The following PLCXD2 variants were observed in gnomAD, a reference collection of about 807,000 sequenced individuals.
PLCXD2 encodes PI-PLC X domain-containing protein 2.
A neutral mutation model predicts 28.6 loss-of-function variants in PLCXD2; 21 were observed. The observed-to-expected ratio is 0.73, with a 90% CI of 0.52 to 1.06. The LOEUF (loss-of-function observed/expected upper bound fraction) is 1.06, where lower values mean the gene tolerates loss of function less well. Among genes scored for constraint, PLCXD2 ranks in the 50% least tolerant of loss-of-function variants. PLCXD2 has a pLI of 0.00. For synonymous variants in PLCXD2, 140 were observed against 150.1 expected, an observed-to-expected ratio of 0.93 and a Z score of 0.49; for missense variants, 369 against 376.7, an observed-to-expected ratio of 0.98 and a Z score of 0.17.
At chr3:111,714,190 T>G in intron 3 of PLCXD2, 62 bp downstream of exon 3, 1 of 1,532,910 alleles carries the variant, frequency 6.5e-7, no homozygotes, top group Non-Finnish European at 8.8e-7. Flanking sequence ...TTGATTCTAT[T>G]CTGAGTAAAT....
intron 1 of PLCXD2, among the ~76,000 whole-genome samples, chr3:111,705,817 G>A (rs181406289): frequency 3.9e-5 from 6 of 151,908 alleles, no homozygotes; most frequent in East Asian, 1.9e-4. Flanking sequence ...GTTGTTGTTC[G>A]TTTGTTTGCT....
intron 1 of PLCXD2, among the ~76,000 whole-genome samples, chr3:111,683,012 G>A (rs911861034): frequency 6.6e-6 from 1 of 152,022 alleles, no homozygotes; most frequent in Non-Finnish European, 1.5e-5. Context: ...GTGTTAAATC[G>A]GGTGATCACA....
chr3:111,693,068 A>G (rs541247394), intron 1 of PLCXD2, among the ~76,000 whole-genome samples: 1 of 152,314 alleles, frequency 6.6e-6, no homozygotes, highest in East Asian at 1.9e-4. Flanking sequence ...TTTTTGTTAT[A>G]TAACCAGGGA....
chr3:111,717,507 G>A (rs372406186), intron 3 of PLCXD2, among the ~76,000 whole-genome samples: 3 of 152,048 alleles, frequency 2.0e-5, no homozygotes, highest in African/African-American at 7.3e-5. Context: ...CCCCTTCTTC[G>A]TACTTAATCC....
intron 3 of PLCXD2, chr3:111,724,319 C>T (rs1021929114): frequency 2.0e-5 from 3 of 151,910 alleles, no homozygotes; most frequent in Non-Finnish European, 4.4e-5. Flanking sequence ...CCTGAATTAC[C>T]GAGAGCAGTT....
At chr3:111,690,093 G>A (rs1196848484) in intron 1 of PLCXD2, among the ~76,000 whole-genome samples, 1 of 151,958 alleles carries the variant, frequency 6.6e-6, no homozygotes, top group Non-Finnish European at 1.5e-5. Context: ...GAGAGGTTAA[G>A]CAGATGGCCC....
chr3:111,705,578 C>T (rs1208991757), intron 1 of PLCXD2, among the ~76,000 whole-genome samples: 1 of 151,334 alleles, frequency 6.6e-6, no homozygotes, highest in Non-Finnish European at 1.5e-5. Flanking sequence ...TTTTTCAGCA[C>T]CCCCCATACT....
At chr3:111,696,857 T>A (rs1031076034) in intron 1 of PLCXD2, among the ~76,000 whole-genome samples, 1 of 152,206 alleles carries the variant, frequency 6.6e-6, no homozygotes, top group African/African-American at 2.4e-5. Context: ...CAAAATAATA[T>A]TTGTCTTTAA....
chr3:111,718,594 G>A (rs1576465359), intron 3 of PLCXD2, among the ~76,000 whole-genome samples: 2 of 152,268 alleles, frequency 1.3e-5, no homozygotes, highest in East Asian at 3.9e-4. Flanking sequence ...CTGAGAGAGG[G>A]AGGAGACCCA....
At chr3:111,688,200 G>A (rs749714200) in intron 1 of PLCXD2, among the ~76,000 whole-genome samples, 3 of 152,166 alleles carry the variant, frequency 2.0e-5, no homozygotes, top group Non-Finnish European at 4.4e-5. Flanking sequence ...GCACAAGCTG[G>A]AAGACTACCC....
At chr3:111,724,653 ACTT>A (rs924748092) in intron 3 of PLCXD2, 4 of 152,202 alleles carry the variant, frequency 2.6e-5, no homozygotes, top group African/African-American at 9.7e-5. Flanking sequence ...AAATGAAACT[ACTT>A]CTTCCTGGGA....
chr3:111,707,556 T>C (rs1383770969), intron 1 of PLCXD2, among the ~76,000 whole-genome samples: 2 of 152,230 alleles, frequency 1.3e-5, no homozygotes, highest in African/African-American at 2.4e-5. Context: ...TTTTCCTGAA[T>C]GTTAGAGTTT....
chr3:111,688,070 G>A (rs971220762), intron 1 of PLCXD2, among the ~76,000 whole-genome samples: 2 of 152,080 alleles, frequency 1.3e-5, no homozygotes, highest in African/African-American at 2.4e-5. Context: ...TCAAATCCTC[G>A]CTACTATTAA....
At chr3:111,709,482 ACG>A (rs1432424976) in intron 2 of PLCXD2, among the ~76,000 whole-genome samples, 1 of 151,738 alleles carries the variant, frequency 6.6e-6, no homozygotes, top group Admixed American at 6.6e-5. Context: ...ACACACACAC[ACG>A]CACACACACA....
rs1359197568 is a variant in PLCXD2 at position 111,708,303 on chromosome 3, C to T, written c.541C>T (p.Gln181Ter). The stretch of plus-strand genomic sequence containing the variant: ...TCACAAATGCCTGGTTCTGCGGATC[C>T]AGGAGGCCTTTGGAAACAAGCTGTG... The change falls in exon 2 of 5, where the codon CAG becomes TAG. Residue 181 changes from glutamine (Q) to a stop codon, truncating the protein, a stop_gained. Transcript: ENST00000477665. LOFTEE classifies it high-confidence loss of function. The T allele has an allele frequency of 1.2e-6, 2 of 1,614,052 alleles. No homozygotes were observed. Among genetic ancestry groups the T allele is most frequent in the African/African-American group, 2.7e-5 (2 of 74,908 alleles).
At chr3:111,682,482 A>G (rs1448994321) in intron 1 of PLCXD2, among the ~76,000 whole-genome samples, 1 of 152,206 alleles carries the variant, frequency 6.6e-6, no homozygotes, top group Non-Finnish European at 1.5e-5. Flanking sequence ...AGAATGTTCT[A>G]TCAGTATTTT....
At chr3:111,720,867 T>G in intron 3 of PLCXD2, 1 of 416,842 alleles carries the variant, frequency 2.4e-6, no homozygotes, top group East Asian at 3.6e-5. Context: ...AGGACACAGC[T>G]CTGGCTAAAT....
intron 1 of PLCXD2, among the ~76,000 whole-genome samples, chr3:111,683,607 G>A (rs1940749274): frequency 6.6e-6 from 1 of 152,064 alleles, no homozygotes; most frequent in African/African-American, 2.4e-5. Context: ...CCATATACTG[G>A]GCTCTCTCCT....
At chr3:111,723,747 AG>A (rs903151092) in intron 3 of PLCXD2, 1 of 152,218 alleles carries the variant, frequency 6.6e-6, no homozygotes, top group African/African-American at 2.4e-5. Flanking sequence ...TGTGGGACAG[AG>A]GGAAAACAGA....
Sources: allele counts gnomAD v4.1 joint callset (sites outside exome capture counted in the v4.1 genomes callset), GRCh38; gene constraint gnomAD v4.1.1; transcripts MANE v1.5; gene names NCBI Gene and HGNC (gene_info 2026-07-23, HGNC 2026-07-21).